Variants in SFMBT2 observed in about 807,000 individuals in gnomAD.
The protein encoded by SFMBT2 is scm-like with four MBT domains protein 2.
In SFMBT2, 38 loss-of-function variants were observed where a neutral mutation model predicts 110.1. That is an observed-to-expected ratio of 0.35 (90% CI 0.27 to 0.45). The LOEUF (loss-of-function observed/expected upper bound fraction) is 0.45. Ranked by LOEUF, SFMBT2 falls within the 20% of genes least tolerant of loss-of-function variation. The pLI is 1.00. For synonymous variants in SFMBT2, 425 were observed against 425.4 expected (o/e 1.00, Z 0.01); for missense variants, 1,011 against 1,094.9 (o/e 0.92, Z 1.08).
chr10:7,210,496 G>A (rs552855943), intron 11 of SFMBT2, among the ~76,000 whole-genome samples: 5 of 152,268 alleles, frequency 3.3e-5, no homozygotes, highest in Non-Finnish European at 5.9e-5. Flanking sequence ...GAAGAAAATC[G>A]GAACAACTGC....
At chr10:7,248,523 C>T (rs769997634) in intron 8 of SFMBT2, 25 bp downstream of exon 8, 2 of 1,595,932 alleles carry the variant, frequency 1.3e-6, no homozygotes, top group South Asian at 1.1e-5. Context: ...GGGGCTGGGT[C>T]GAAGAGCGAG....
chr10:7,214,913 T>G (rs1176229653), intron 11 of SFMBT2, among the ~76,000 whole-genome samples: 1 of 152,250 alleles, frequency 6.6e-6, no homozygotes, highest in Non-Finnish European at 1.5e-5. Flanking sequence ...CTTCAACAAT[T>G]TCTGCAGTGG....
rs1198754927 is a variant in SFMBT2, at chr10:7,293,807, G to A, written c.437-7853C>T. On this transcript the variant is annotated intron_variant, in intron 4 of 20. Transcript: ENST00000397167. The surrounding 1 kb of genome is among the most constrained non-coding windows in gnomAD (Gnocchi z 4.6). ...TCCCAAGATATGTTAGGAACCCAGGGTCTTTCAATCCTGTCACTCTGCTCT... is the reference window on the plus strand; with the variant it reads ...TCCCAAGATATGTTAGGAACCCAGGATCTTTCAATCCTGTCACTCTGCTCT... 1.3e-5 allele frequency among the ~76,000 whole-genome samples: 2 copies of A among 152,120 alleles called. No homozygotes were observed. The highest frequency in any genetic ancestry group is 2.9e-5 in the Non-Finnish European group (2 of 68,000).
At chr10:7,286,024 C>A in intron 4 of SFMBT2, 70 bp from the exon 5 acceptor site, 1 of 762,386 alleles carries the variant, frequency 1.3e-6, no homozygotes, top group South Asian at 1.5e-5. Flanking sequence ...AGCAAAGTAT[C>A]CAATCAACTT....
chr10:7,255,762 T>C (rs1840985074), intron 7 of SFMBT2, among the ~76,000 whole-genome samples: 1 of 152,196 alleles, frequency 6.6e-6, no homozygotes, highest in Non-Finnish European at 1.5e-5. Flanking sequence ...TACTAAGATG[T>C]AGTAACTCTG....
intron 7 of SFMBT2, among the ~76,000 whole-genome samples, chr10:7,272,202 C>G (rs560912238): frequency 2.0e-5 from 3 of 152,188 alleles, no homozygotes. Context: ...CAGGTTAAAA[C>G]AGCAGGCTGA....
intron 4 of SFMBT2, among the ~76,000 whole-genome samples, chr10:7,351,378 C>G (rs868135334): frequency 3.2e-4 from 48 of 152,184 alleles, no homozygotes; most frequent in Non-Finnish European, 1.8e-4. Context: ...TTTCTCATTA[C>G]CACCTTCATT....
In SFMBT2 at chr10:7,285,866, A is replaced by G. The variant is rs1196803891; in HGVS notation, c.525T>C (p.Gly175=). The change falls in exon 5 of 21, where the codon GGT becomes GGC. Residue 175 remains glycine, a splice_region_variant and synonymous_variant. Transcript: ENST00000397167. ...TTAGATGTATAACAACAATACATAC[A>G]CCTTCCAGGAGGTTGGCGGGTGCTG... ...SRTAPANLLE[G]PLRGKGPIDL... 3 of 872,520 alleles carry G rather than the reference A, an allele frequency of 3.4e-6. No individual in the cohort carries two copies. Among genetic ancestry groups the G allele is most frequent in the East Asian group, 2.4e-5 (1 of 41,720 alleles). 54.0% of individuals were successfully genotyped at this position (872,520 alleles called of 1,614,324 possible).
chr10:7,246,718 CA>C (rs397949347), intron 8 of SFMBT2, among the ~76,000 whole-genome samples: 71 of 72,150 alleles, frequency 9.8e-4, no homozygotes, highest in African/African-American at 3.7e-3. Context: ...GACTCCATCT[CA>C]AAAAAAAAAA....
At chr10:7,352,327 C>CTGTTG (rs1361629788) in intron 4 of SFMBT2, among the ~76,000 whole-genome samples, 2 of 152,132 alleles carry the variant, frequency 1.3e-5, no homozygotes, top group Non-Finnish European at 2.9e-5. Context: ...AAATGTATAG[C>CTGTTG]ATAAAGATAT....
chr10:7,287,650 GC>G (rs1842136119), intron 4 of SFMBT2, among the ~76,000 whole-genome samples: 1 of 152,182 alleles, frequency 6.6e-6, no homozygotes, highest in African/African-American at 2.4e-5. Flanking sequence ...GGCAGCCCGG[GC>G]TCCACCCAGG....
intron 6 of SFMBT2, chr10:7,277,454 T>A (rs888438755): frequency 2.0e-5 from 5 of 244,022 alleles, no homozygotes; most frequent in Non-Finnish European, 3.3e-5. Context: ...TAAGCTCTCA[T>A]CTGCTAAAAA....
intron 15 of SFMBT2, among the ~76,000 whole-genome samples, chr10:7,192,303 T>G (rs1838624242): frequency 6.6e-6 from 1 of 152,144 alleles, no homozygotes; most frequent in African/African-American, 2.4e-5. Context: ...CTGTCCAATA[T>G]CACATGGAAA....
rs1438893928 is a variant in SFMBT2 at position 7,172,625 on chromosome 10, G to A, written c.2021C>T (p.Pro674Leu). Residue 674 changes from proline to leucine, a missense_variant, in exon 18 of 21, where the codon CCC (proline) becomes CTC (leucine). By Grantham distance (98) the Pro-to-Leu change is moderately conservative (BLOSUM62 -3). Coordinates refer to ENST00000397167, the MANE Select transcript of SFMBT2 (RefSeq NM_001387889.1). This position sits in a 1 kb window ranked among gnomAD's most constrained non-coding sequence, Gnocchi z 4.6. ...GTCGGGGTTGCTTTCCCCGATGGGG[G>A]GCTTGGAGATCTTCTTTCTCTTTCC... ...YYGKRKKISKPPIGESNPDSG... is the reference protein window; with the variant it reads ...YYGKRKKISKLPIGESNPDSG... 1.2e-6 allele frequency: 2 copies of A among 1,614,180 alleles called. No individual in the cohort carries two copies. The highest frequency in any genetic ancestry group is 1.7e-5 in the Admixed American group (1 of 60,022).
At chr10:7,313,440 C>T (rs1016353535) in intron 4 of SFMBT2, among the ~76,000 whole-genome samples, 3 of 152,166 alleles carry the variant, frequency 2.0e-5, no homozygotes, top group Non-Finnish European at 4.4e-5. Flanking sequence ...ACCTCAGCCT[C>T]CCAAGTAGCT....
At chr10:7,357,158 C>A (rs1243205691) in intron 4 of SFMBT2, among the ~76,000 whole-genome samples, 1 of 152,132 alleles carries the variant, frequency 6.6e-6, no homozygotes, top group Non-Finnish European at 1.5e-5. Flanking sequence ...CTCCAGAAGG[C>A]ATTAAGATGA....
At chr10:7,202,941 G>A (rs1413077282) in intron 12 of SFMBT2, 1 of 985,260 alleles carries the variant, frequency 1.0e-6, no homozygotes, top group Non-Finnish European at 1.2e-6. Flanking sequence ...TGCTGTCAGA[G>A]GCATGCATTT....
chr10:7,220,454 G>A lies in SFMBT2; in HGVS notation c.1287C>T (p.Ser429=), dbSNP rs1839690469. 5 of 1,613,882 alleles carry A rather than the reference G, an allele frequency of 3.1e-6. No individual in the cohort carries two copies. Among genetic ancestry groups the A allele is most frequent in the African/African-American group, 1.3e-5 (1 of 74,964 alleles). The change falls in exon 11 of 21, where the codon TCC becomes TCT. Residue 429 remains serine (S), a synonymous_variant. Transcript: ENST00000397167. ...PRNPGELCVA[S]VVSVKGRLMW... ...TTAGCCGCCCCTTCACACTCACAACGGAGGCCACACACAGTTCTCCTGGAT... is the reference window on the plus strand; with the variant it reads ...TTAGCCGCCCCTTCACACTCACAACAGAGGCCACACACAGTTCTCCTGGAT...
intron 4 of SFMBT2, among the ~76,000 whole-genome samples, chr10:7,311,524 T>C (rs1477019784): frequency 6.6e-6 from 1 of 152,240 alleles, no homozygotes; most frequent in African/African-American, 2.4e-5. Flanking sequence ...TGGGTTTATC[T>C]TGATTGACTT....
Sources: allele counts gnomAD v4.1 joint callset (sites outside exome capture counted in the v4.1 genomes callset), GRCh38; gene constraint gnomAD v4.1.1; non-coding constraint Gnocchi (gnomAD v3.1); transcripts MANE v1.5; gene names NCBI Gene and HGNC (gene_info 2026-07-23, HGNC 2026-07-21).